Variants in PDE4B observed in about 807,000 individuals in gnomAD.
PDE4B encodes the protein 3',5'-cyclic-AMP phosphodiesterase 4B.
In PDE4B, 20 loss-of-function variants were observed where a neutral mutation model predicts 82.2. The ratio of observed to expected loss-of-function variants is 0.24; its 90% CI spans 0.17 to 0.35. The LOEUF (loss-of-function observed/expected upper bound fraction) is 0.35. Among genes scored for constraint, PDE4B ranks in the 10% least tolerant of loss-of-function variants. The pLI is 1.00. For missense variants in PDE4B, 655 were observed against 907.2 expected, an observed-to-expected ratio of 0.72 and a Z score of 3.57; for synonymous variants, 320 against 318.9, an observed-to-expected ratio of 1.00 and a Z score of -0.04.
Position 65,919,397 on chromosome 1 carries a change from G to A in PDE4B, c.281+562G>A, listed in dbSNP as rs560322455. Among the ~76,000 whole-genome samples, 280 of 152,316 alleles carry A rather than the reference G, an allele frequency of 1.8e-3. 1 individual carries two copies. Among genetic ancestry groups the A allele is most frequent in the African/African-American group, 6.6e-3 (274 of 41,576 alleles). On this transcript the variant is annotated intron_variant, in intron 3 of 16. Coordinates refer to ENST00000341517, the MANE Select transcript of PDE4B (RefSeq NM_002600.4). ...TTGTGAAAGAGGCTATTTTAAACCA[G>A]TGTTGAAAAGTTAATCATATAATCT...
At chr1:66,134,044 A>G (rs1235860875) in intron 3 of PDE4B, among the ~76,000 whole-genome samples, 1 of 5,948 alleles carries the variant, frequency 1.7e-4, no homozygotes, top group Non-Finnish European at 4.5e-4. Context: ...ACAAAACTGG[A>G]AAAAAAAAAA....
intron 7 of PDE4B, among the ~76,000 whole-genome samples, chr1:66,325,940 T>C (rs1659720688): frequency 6.6e-6 from 1 of 152,232 alleles, no homozygotes; most frequent in Non-Finnish European, 1.5e-5. Flanking sequence ...CACAGTGGGC[T>C]ACTTTTCTTG....
chr1:66,185,146 C>T (rs539318645), intron 3 of PDE4B, among the ~76,000 whole-genome samples: 1 of 152,248 alleles, frequency 6.6e-6, no homozygotes, highest in East Asian at 1.9e-4. Flanking sequence ...CAGCTTCATC[C>T]ATGTCCCTAC....
chr1:66,291,813 T>C (rs906747209), intron 7 of PDE4B, among the ~76,000 whole-genome samples: 1 of 152,188 alleles, frequency 6.6e-6, no homozygotes, highest in Non-Finnish European at 1.5e-5. Context: ...CCCAGATAAT[T>C]GAGGTCAATA....
intron 3 of PDE4B, among the ~76,000 whole-genome samples, chr1:66,100,690 A>G (rs540917547): frequency 2.6e-5 from 4 of 152,268 alleles, no homozygotes; most frequent in African/African-American, 9.6e-5. Context: ...TTAACTGCAC[A>G]TCCCCAAAGC....
intron 1 of PDE4B, among the ~76,000 whole-genome samples, chr1:65,794,548 G>A (rs1372669500): frequency 6.6e-6 from 1 of 152,126 alleles, no homozygotes; most frequent in Non-Finnish European, 1.5e-5. Flanking sequence ...GCAGGTAAAG[G>A]AAGTTGAGCT....
intron 3 of PDE4B, among the ~76,000 whole-genome samples, chr1:65,934,616 G>T (rs569069364): frequency 6.6e-6 from 1 of 152,156 alleles, no homozygotes; most frequent in South Asian, 2.1e-4. Context: ...AAAAATCAGA[G>T]TAAACTATGT....
At position 65,792,982 on chromosome 1, in the gene PDE4B, GCGCGCGCGCCCCCGGCC is replaced by G. The variant is rs1005900034; in HGVS notation, c.-329_-313del. ...CCCAGGCTAGCCCGCTGGCCCGTCC[GCGCGCGCGCCCCCGGCC>G]CGCGCGCCCCTTCCCGGGGCTCCTG... On this transcript the variant is annotated 5_prime_UTR_variant, in exon 1 of 17. Coordinates refer to ENST00000341517, the MANE Select transcript of PDE4B (RefSeq NM_002600.4). Among the ~76,000 whole-genome samples, 3 of 151,420 alleles carry G rather than the reference GCGCGCGCGCCCCCGGCC, an allele frequency of 2.0e-5. No individual in the cohort carries two copies. Among genetic ancestry groups the G allele is most frequent in the Non-Finnish European group, 4.4e-5 (3 of 67,774 alleles).
At chr1:66,329,787 T>C (rs966472435) in intron 7 of PDE4B, among the ~76,000 whole-genome samples, 4 of 152,206 alleles carry the variant, frequency 2.6e-5, no homozygotes, top group Non-Finnish European at 4.4e-5. Context: ...GACCACACAG[T>C]AAGTGGTAGA....
At chr1:65,848,632 G>A (rs961783134) in intron 1 of PDE4B, among the ~76,000 whole-genome samples, 1 of 152,220 alleles carries the variant, frequency 6.6e-6, no homozygotes, top group Admixed American at 6.5e-5. Context: ...CATATAAATG[G>A]AATAATATAT....
chr1:66,287,375 A>G (rs974070731), intron 7 of PDE4B, among the ~76,000 whole-genome samples: 2 of 152,188 alleles, frequency 1.3e-5, no homozygotes, highest in Non-Finnish European at 2.9e-5. Context: ...AACACTGCGT[A>G]TCTCAGAACC....
intron 3 of PDE4B, among the ~76,000 whole-genome samples, chr1:66,221,003 T>A (rs1447622738): frequency 6.6e-6 from 1 of 152,180 alleles, no homozygotes; most frequent in Non-Finnish European, 1.5e-5. Context: ...CAGTTAGGAT[T>A]TTTTATTTCA....
chr1:66,193,200 C>T (rs2101486207), intron 3 of PDE4B, among the ~76,000 whole-genome samples: 1 of 152,266 alleles, frequency 6.6e-6, no homozygotes, highest in South Asian at 2.1e-4. Context: ...GTCCTTTAAA[C>T]ATCTGGATAT....
intron 8 of PDE4B, among the ~76,000 whole-genome samples, chr1:66,338,862 C>CA (rs11421650): frequency 0.1 from 15,592 of 150,288 alleles, 1,817 homozygotes; most frequent in African/African-American, 0.31. Flanking sequence ...ACTAAAAATA[C>CA]AAAAAAATTA....
In PDE4B at chr1:66,023,690, C is replaced by T. The variant is rs576265958; in HGVS notation, c.281+104855C>T. Among the ~76,000 whole-genome samples, 321 of 152,114 alleles carry T rather than the reference C, an allele frequency of 2.1e-3. 1 individual carries two copies. Among genetic ancestry groups the T allele is most frequent in the African/African-American group, 7.5e-3 (310 of 41,508 alleles). On this transcript the variant is annotated intron_variant, in intron 3 of 16. Transcript: ENST00000341517. ...TTTTATTTTTAATTAGCCTATAATCCACCTGAGGGAGAAAAGAACCATGAA... is the reference window on the plus strand; with the variant it reads ...TTTTATTTTTAATTAGCCTATAATCTACCTGAGGGAGAAAAGAACCATGAA...
intron 1 of PDE4B, among the ~76,000 whole-genome samples, chr1:65,889,597 A>T (rs1379653673): frequency 6.6e-6 from 1 of 152,190 alleles, no homozygotes; most frequent in Non-Finnish European, 1.5e-5. Flanking sequence ...AGCCAAGGAA[A>T]ACACATGCTG....
At chr1:65,920,036 A>ATAATTC (rs1647208921) in intron 3 of PDE4B, among the ~76,000 whole-genome samples, 1 of 152,258 alleles carries the variant, frequency 6.6e-6, no homozygotes, top group African/African-American at 2.4e-5. Context: ...TAAGAGTCAT[A>ATAATTC]GCCAATCATG....
chr1:66,350,434 A>G (rs1570749782), intron 8 of PDE4B, among the ~76,000 whole-genome samples: 1 of 152,026 alleles, frequency 6.6e-6, no homozygotes, highest in East Asian at 1.9e-4. Context: ...GAGGTTATCC[A>G]TGAGAGGAAG....
At chr1:66,204,240 G>A (rs1649328231) in intron 3 of PDE4B, among the ~76,000 whole-genome samples, 1 of 152,210 alleles carries the variant, frequency 6.6e-6, no homozygotes, top group Admixed American at 6.5e-5. Context: ...GGCTGTGTGA[G>A]GTGTCAGTCT....
Sources: gnomAD v4.1 joint callset for allele counts (sites outside exome capture counted in the v4.1 genomes callset) on GRCh38, gnomAD v4.1.1 for gene constraint, MANE v1.5 for transcripts, NCBI Gene and HGNC (gene_info 2026-07-23, HGNC 2026-07-21) for gene names.